RIN2: variants seen among roughly 807,000 people sequenced by gnomAD.
RIN2 encodes the protein RAB5 interacting protein 2.
A neutral mutation model predicts 78.0 loss-of-function variants in RIN2; 36 were observed. The ratio of observed to expected loss-of-function variants is 0.46; its 90% confidence interval spans 0.35 to 0.61. The LOEUF is 0.61. Ranked by LOEUF, RIN2 falls within the 20% of genes least tolerant of loss-of-function variation. The probability of loss-of-function intolerance (pLI) is 0.00; values close to 1 mark genes in which losing one functional copy is unlikely to be tolerated. For synonymous variants in RIN2, 466 were observed against 466.8 expected (o/e 1.00, Z 0.02); for missense variants, 1,087 against 1,159.7 (o/e 0.94, Z 0.91).
At chr20:19,834,880 G>A (rs767916871) in intron 2 of RIN2, among the ~76,000 whole-genome samples, 4 of 151,498 alleles carry the variant, frequency 2.6e-5, no homozygotes, top group African/African-American at 9.7e-5. Context: ...GGAGGTCAAG[G>A]CTGCAATAAG....
At chr20:19,911,072 C>T (rs2123724184) in intron 3 of RIN2, among the ~76,000 whole-genome samples, 1 of 151,150 alleles carries the variant, frequency 6.6e-6, no homozygotes, top group South Asian at 2.1e-4. Flanking sequence ...TTTTTTGAGA[C>T]AAAGTTTCAC....
At chr20:19,860,801 G>A (rs936967648) in intron 2 of RIN2, among the ~76,000 whole-genome samples, 6 of 152,152 alleles carry the variant, frequency 3.9e-5, no homozygotes, top group Non-Finnish European at 5.9e-5. Flanking sequence ...ACTGGACTAT[G>A]AGCATATTCA....
At chr20:19,762,246 C>T (rs1042682516) in intron 1 of RIN2, among the ~76,000 whole-genome samples, 3 of 152,170 alleles carry the variant, frequency 2.0e-5, no homozygotes, top group Admixed American at 1.3e-4. Flanking sequence ...CTTCAATCTA[C>T]TGTTAGAGCA....
chr20:19,827,392 A>C (rs1232420994), intron 2 of RIN2, among the ~76,000 whole-genome samples: 2 of 152,234 alleles, frequency 1.3e-5, no homozygotes, highest in African/African-American at 4.8e-5. Flanking sequence ...GTTTTGGCTA[A>C]GATACACCAT....
chr20:19,898,389 T>A (rs2090515992), intron 3 of RIN2, among the ~76,000 whole-genome samples: 1 of 152,182 alleles, frequency 6.6e-6, no homozygotes. Context: ...GAAGATGTAG[T>A]TTTGAAGGAC....
chr20:19,762,967 G>A (rs1208530800), intron 1 of RIN2, among the ~76,000 whole-genome samples: 1 of 152,022 alleles, frequency 6.6e-6, no homozygotes, highest in Non-Finnish European at 1.5e-5. Context: ...GTTTCATGAT[G>A]TTGGCCAGGC....
chr20:19,792,764 T>C (rs949753144), intron 1 of RIN2, among the ~76,000 whole-genome samples: 3 of 152,192 alleles, frequency 2.0e-5, no homozygotes, highest in African/African-American at 4.8e-5. Flanking sequence ...TACCCCTTCA[T>C]TGGCTGTCGG....
chr20:19,972,336 G>T (rs1043528934), intron 8 of RIN2, among the ~76,000 whole-genome samples: 1 of 152,180 alleles, frequency 6.6e-6, no homozygotes, highest in Non-Finnish European at 1.5e-5. Context: ...GCTCCAGTCT[G>T]ATGGTCCACA....
In RIN2 at chr20:19,834,939, G is replaced by A. The variant is rs2036362639; in HGVS notation, c.-37+35192G>A. On this transcript the variant is annotated intron_variant, in intron 2 of 12. Transcript: ENST00000255006. ...AGCCAGGGCAACAGAGCAGGACCCT[G>A]TGAAGAAAAGAGAGAGAGAGAGAGA... Among the ~76,000 whole-genome samples the A allele has an allele frequency of 3.5e-5, 4 of 113,348 alleles. No individual in the cohort carries two copies. The South Asian group carries it at 1.3e-3, about 37-fold the overall frequency. The allele number at this position is 113,348 out of a possible 152,430, so 74.4% of individuals were successfully genotyped here.
chr20:19,790,561 G>A (rs1467612291), intron 1 of RIN2, among the ~76,000 whole-genome samples: 1 of 152,114 alleles, frequency 6.6e-6, no homozygotes, highest in African/African-American at 2.4e-5. Context: ...GGAGGCTGAG[G>A]TAGGAGGATG....
intron 3 of RIN2, among the ~76,000 whole-genome samples, chr20:19,905,540 C>A (rs981640558): frequency 6.6e-6 from 1 of 152,070 alleles, no homozygotes; most frequent in East Asian, 1.9e-4. Context: ...CTGGTCAACA[C>A]AGTGAGACCC....
At chr20:19,896,473 G>C (rs138826306) in intron 3 of RIN2, among the ~76,000 whole-genome samples, 123 of 152,320 alleles carry the variant, frequency 8.1e-4, no homozygotes, top group African/African-American at 2.7e-3. Context: ...ATGCTCAAAA[G>C]CCATAGAGAT....
intron 2 of RIN2, among the ~76,000 whole-genome samples, chr20:19,874,082 GTGTT>G (rs994918005): frequency 4.0e-5 from 6 of 151,844 alleles, no homozygotes; most frequent in African/African-American, 1.2e-4. Context: ...GTGTGTGTGT[GTGTT>G]TGTGTGTGTT....
chr20:19,822,521 T>C (rs575076995), intron 2 of RIN2, among the ~76,000 whole-genome samples: 1 of 152,328 alleles, frequency 6.6e-6, no homozygotes, highest in Non-Finnish European at 1.5e-5. Context: ...CATCTTTCCC[T>C]GATCCCCTCC....
chr20:19,940,094 C>T (rs1048006202), intron 4 of RIN2, among the ~76,000 whole-genome samples: 5 of 152,236 alleles, frequency 3.3e-5, no homozygotes, highest in East Asian at 3.9e-4. Context: ...TCAGGCAATC[C>T]GCCCGCCTTG....
intron 3 of RIN2, among the ~76,000 whole-genome samples, chr20:19,930,886 C>T (rs1173920393): frequency 2.0e-5 from 3 of 152,192 alleles, no homozygotes; most frequent in Admixed American, 6.5e-5. Flanking sequence ...ATACAGAAAA[C>T]CACACACCAT....
Position 19,975,283 on chromosome 20 carries a change from C to T in RIN2, c.1258C>T (p.Pro420Ser), listed in dbSNP as rs778191192. The change falls in exon 9 of 13, where the codon CCC becomes TCC. Residue 420 changes from proline (P) to serine (S), a missense_variant. Physicochemically the swap from Pro to Ser is moderately conservative, Grantham distance 74. Transcript: ENST00000255006. This position sits in a 1 kb window ranked among gnomAD's most constrained non-coding sequence, Gnocchi z 4.9. ...RAPPPSSESRPPCHGGRQRLS... is the reference protein window; with the variant it reads ...RAPPPSSESRSPCHGGRQRLS... ...CCCGCCGCCCAGCTCTGAATCACGG[C>T]CCCCGTGCCATGGAGGCCGGCAGCG... 3 of 1,598,496 alleles carry T rather than the reference C, an allele frequency of 1.9e-6. No individual in the cohort carries two copies. Among genetic ancestry groups the T allele is most frequent in the African/African-American group, 1.3e-5 (1 of 74,664 alleles).
At chr20:19,895,544 G>C (rs1475724591) in intron 3 of RIN2, among the ~76,000 whole-genome samples, 1 of 152,096 alleles carries the variant, frequency 6.6e-6, no homozygotes, top group African/African-American at 2.4e-5. Flanking sequence ...ACATGTTTTA[G>C]CTTACAGGGA....
At chr20:19,901,843 C>A (rs987481647) in intron 3 of RIN2, among the ~76,000 whole-genome samples, 1 of 151,780 alleles carries the variant, frequency 6.6e-6, no homozygotes, top group Non-Finnish European at 1.5e-5. Flanking sequence ...ATGGTGAAAC[C>A]CCGTCTCTAC....
Sources: gnomAD v4.1 joint callset for allele counts (sites outside exome capture counted in the v4.1 genomes callset) on GRCh38, gnomAD v4.1.1 for gene constraint, Gnocchi (gnomAD v3.1) non-coding constraint, MANE v1.5 for transcripts, NCBI Gene and HGNC (gene_info 2026-07-23, HGNC 2026-07-21) for gene names.